The following TTC4 variants were observed in gnomAD, a reference collection of about 807,000 sequenced individuals.
TTC4 encodes the protein tetratricopeptide repeat domain 4.
In TTC4, 36 loss-of-function variants were observed where a neutral mutation model predicts 51.9. The ratio of observed to expected loss-of-function variants is 0.69; its 90% CI spans 0.53 to 0.92. TTC4 has a LOEUF of 0.92. TTC4 is among the 40% of genes least tolerant of loss of function. The pLI is 0.00. For missense variants in TTC4, 399 were observed against 454.6 expected, an observed-to-expected ratio of 0.88 and a Z score of 1.11; for synonymous variants, 144 against 164.2, an observed-to-expected ratio of 0.88 and a Z score of 0.94.
chr1:54,721,168 T>G lies in TTC4; in HGVS notation c.397T>G (p.Phe133Val). 6.2e-7 allele frequency: 1 copy of G among 1,613,386 alleles called. No homozygotes were observed. The highest frequency in any genetic ancestry group is 8.5e-7 in the Non-Finnish European group (1 of 1,179,518). The change falls in exon 4 of 10, where the codon TTT becomes GTT. Residue 133 changes from phenylalanine to valine, a missense_variant. Coordinates refer to ENST00000371281, the MANE Select transcript of TTC4 (RefSeq NM_004623.5). ...RAAAQYYLGN[F>V]RSALNDVTAA... is the part of the protein sequence containing the mutation. ...ACTAAACGGTGTTTTGTTAGGCAATTTTCGTTCTGCTCTCAATGATGTGAC... is the reference window on the plus strand; with the variant it reads ...ACTAAACGGTGTTTTGTTAGGCAATGTTCGTTCTGCTCTCAATGATGTGAC...
intron 9 of TTC4, among the ~76,000 whole-genome samples, chr1:54,739,980 G>A (rs1249539257): frequency 1.3e-5 from 2 of 152,168 alleles, no homozygotes; most frequent in African/African-American, 2.4e-5. Context: ...GAGCTCAGAA[G>A]TTAGAGATCA....
At chr1:54,737,515 G>A (rs1287041854) in intron 8 of TTC4, 67 bp from the exon 9 acceptor site, 13 of 1,469,894 alleles carry the variant, frequency 8.8e-6, no homozygotes, top group Non-Finnish European at 1.2e-5. Flanking sequence ...ATTTTCCCTG[G>A]GCTTAGCCTC....
rs908189774 is a variant in TTC4, at chr1:54,722,728, G to A, written c.523G>A (p.Asp175Asn). ...KHFAEAVNWC[D>N]EGLQIDAKEK... The stretch of plus-strand genomic sequence containing the variant: ...CTTTGCCGAGGCCGTGAACTGGTGT[G>A]ATGAGGGACTGCAAATAGATGCCAA... Residue 175 changes from aspartate to asparagine, a missense_variant, in exon 5 of 10, where the codon GAT (aspartate) becomes AAT (asparagine). Physicochemically the swap from Asp to Asn is conservative, Grantham distance 23. This residue lies in a region of TTC4 where 316 missense variants were observed against 349.6 expected (regional missense o/e 0.90). Coordinates refer to ENST00000371281, the MANE Select transcript of TTC4 (RefSeq NM_004623.5). The A allele has an allele frequency of 1.6e-5, 26 of 1,613,894 alleles. No homozygotes were observed. The highest frequency in any genetic ancestry group is 2.2e-5 in the Non-Finnish European group (26 of 1,179,932).
chr1:54,716,696 G>C lies in TTC4; in HGVS notation c.208G>C (p.Asp70His). 1 of 1,612,404 alleles carries C rather than the reference G, an allele frequency of 6.2e-7. No homozygotes were observed. Among genetic ancestry groups the C allele is most frequent in the Non-Finnish European group, 8.5e-7 (1 of 1,179,680 alleles). Residue 70 changes from aspartate (D) to histidine (H), a missense_variant, in exon 2 of 10, where the codon GAT becomes CAT. This residue lies in a region of TTC4 where 316 missense variants were observed against 349.6 expected (regional missense o/e 0.90). Coordinates refer to ENST00000371281, the MANE Select transcript of TTC4 (RefSeq NM_004623.5). ...GGCTTGTCTCCAGTCAATTATTTTT[G>C]ATGAGGAGCGTTCTCCAGAAGGTAT... ...DLACLQSIIF[D>H]EERSPEEQAK...
intron 5 of TTC4, among the ~76,000 whole-genome samples, chr1:54,723,629 C>T (rs1645768859): frequency 6.6e-6 from 1 of 152,198 alleles, no homozygotes. Context: ...GTGACTTGGA[C>T]AACTTGCTGA....
chr1:54,725,901 A>T (rs1271313693), intron 5 of TTC4, among the ~76,000 whole-genome samples: 1 of 152,220 alleles, frequency 6.6e-6, no homozygotes, highest in Non-Finnish European at 1.5e-5. Context: ...CACACTTAAG[A>T]TGTATCAGTT....
chr1:54,736,163 GAA>G (rs1192538067), intron 8 of TTC4, among the ~76,000 whole-genome samples: 3 of 133,958 alleles, frequency 2.2e-5, no homozygotes, highest in African/African-American at 6.4e-5. Flanking sequence ...GAAAGAGAGA[GAA>G]AGAAAGAAAG....
chr1:54,731,772 T>A, intron 7 of TTC4, 72 bp downstream of exon 7: 1 of 1,455,970 alleles, frequency 6.9e-7, no homozygotes, highest in Non-Finnish European at 9.4e-7. Flanking sequence ...GAGGGACGAG[T>A]GGATTTTTGG....
chr1:54,731,619 G>T lies in TTC4; in HGVS notation c.815G>T (p.Gly272Val). 6.2e-7 allele frequency: 1 copy of T among 1,614,124 alleles called. No individual in the cohort carries two copies. Among genetic ancestry groups the T allele is most frequent in the East Asian group, 2.2e-5 (1 of 44,870 alleles). The change falls in exon 7 of 10, where the codon GGC becomes GTC. Residue 272 changes from glycine (G) to valine (V), a missense_variant. Gly to Val is a moderately radical substitution (Grantham distance 109). Around this residue, in one of 3 missense-constraint regions of TTC4, gnomAD observed 316 missense variants for 349.6 expected, o/e 0.90. Coordinates refer to ENST00000371281, the MANE Select transcript of TTC4 (RefSeq NM_004623.5). ...HGARLSLDGQ[G>V]RLSWPVLFLY... ...GCCAGGCTGAGTCTAGATGGCCAGG[G>T]CAGGCTGAGCTGGCCTGTGCTCTTT...
intron 8 of TTC4, chr1:54,736,632 A>G (rs922906871): frequency 6.6e-6 from 1 of 152,166 alleles, no homozygotes; most frequent in African/African-American, 2.4e-5. Flanking sequence ...CAGCCTCCCA[A>G]GTGTTCAGAT....
chr1:54,729,333 AG>A (rs1645837886), intron 6 of TTC4, among the ~76,000 whole-genome samples: 2 of 152,214 alleles, frequency 1.3e-5, no homozygotes, highest in South Asian at 4.1e-4. Flanking sequence ...ACCGTGGATA[AG>A]GGGACACTAC....
chr1:54,715,882 C>T lies in TTC4; in HGVS notation c.-27C>T. 3 of 1,567,676 alleles carry T rather than the reference C, an allele frequency of 1.9e-6. No individual in the cohort carries two copies. The highest frequency in any genetic ancestry group is 1.8e-5 in the Admixed American group (1 of 56,480). ...AGCCGCTCGCTTCACGGCGCTGGGA[C>T]CCGGGCTGGAAGGCAGGGCATCAGC... is the stretch of plus-strand genomic sequence containing the variant. On this transcript the variant is annotated 5_prime_UTR_variant, in exon 1 of 10. Transcript: ENST00000371281.
At chr1:54,736,243 A>T (rs879679335) in intron 8 of TTC4, among the ~76,000 whole-genome samples, 1,344 of 121,568 alleles carry the variant, frequency 0.011, 101 homozygotes, top group African/African-American at 0.037. Context: ...GAGAGAGAAG[A>T]GAGGAGAGAG....
intron 6 of TTC4, among the ~76,000 whole-genome samples, chr1:54,730,232 T>G (rs1203100189): frequency 6.6e-6 from 1 of 151,998 alleles, no homozygotes; most frequent in East Asian, 1.9e-4. Context: ...TTCGTTTTCT[T>G]AATTGTAGAA....
At chr1:54,740,145 A>C in intron 9 of TTC4, among the ~76,000 whole-genome samples, 1 of 137,276 alleles carries the variant, frequency 7.3e-6, no homozygotes, top group African/African-American at 2.8e-5. Flanking sequence ...ACTGCACTCC[A>C]GCCTAGGTGA....
chr1:54,725,303 T>C (rs1055904536), intron 5 of TTC4, among the ~76,000 whole-genome samples: 11 of 152,172 alleles, frequency 7.2e-5, no homozygotes, highest in African/African-American at 2.2e-4. Context: ...TTGTTAAAGA[T>C]TGTAGAAGCT....
At chr1:54,722,949 T>C (rs1276547841) in intron 5 of TTC4, 150 bp downstream of exon 5, 1 of 1,046,744 alleles carries the variant, frequency 9.6e-7, no homozygotes, top group Admixed American at 2.8e-5. Context: ...CACAGACAAG[T>C]AAACAGTTAT....
intron 4 of TTC4, 32 bp from the exon 5 acceptor site, chr1:54,722,643 T>C (rs1645755905): frequency 6.2e-7 from 1 of 1,605,476 alleles, no homozygotes; most frequent in African/African-American, 1.3e-5. Flanking sequence ...ATGCATGTTT[T>C]TCTTGAATCC....
In TTC4 at chr1:54,737,660, C is replaced by T; in HGVS notation, c.1057C>T (p.Gln353Ter). Reference protein sequence around the residue: ...KSTLLQVLQHQRYFVKALTPA... With the variant: ...KSTLLQVLQH ...CACCTTGCTACAGGTTCTACAGCAC[C>T]AGAGGTGAGTCATCTCATGGCGCTG... The change falls in exon 9 of 10, where the codon CAG (glutamine) becomes TAG (stop). Residue 353 changes from glutamine (Q) to a stop codon, truncating the protein, a stop_gained. Transcript: ENST00000371281. LOFTEE classifies it high-confidence loss of function. The T allele has an allele frequency of 6.2e-7, 1 of 1,612,444 alleles. No individual in the cohort carries two copies. Among genetic ancestry groups the T allele is most frequent in the Non-Finnish European group, 8.5e-7 (1 of 1,179,930 alleles).
Sources: allele counts gnomAD v4.1 joint callset (sites outside exome capture counted in the v4.1 genomes callset), GRCh38; gene constraint gnomAD v4.1.1; regional missense constraint gnomAD v4.1.1; transcripts MANE v1.5; gene names NCBI Gene and HGNC (gene_info 2026-07-23, HGNC 2026-07-21).